GAS7: variants seen among roughly 807,000 people sequenced by gnomAD.
GAS7 encodes the protein growth arrest specific 7.
Under a neutral mutation model 71.1 loss-of-function variants are expected in GAS7, and 28 were observed. The ratio of observed to expected loss-of-function variants is 0.39; its 90% CI spans 0.29 to 0.54. The LOEUF is 0.54. GAS7 is among the 20% of genes least tolerant of loss of function. GAS7 has a pLI of 0.62. For missense variants in GAS7, 436 were observed against 627.8 expected (o/e 0.69, Z 3.27); for synonymous variants, 258 against 245.8 (o/e 1.05, Z -0.46).
intron 1 of GAS7, among the ~76,000 whole-genome samples, chr17:10,162,889 T>C (rs1368601984): frequency 6.6e-6 from 1 of 152,092 alleles, no homozygotes; most frequent in Non-Finnish European, 1.5e-5. Flanking sequence ...AGTTTCAGTT[T>C]TGCAAAATGA....
At chr17:10,089,363 A>G (rs1018706066) in intron 1 of GAS7, among the ~76,000 whole-genome samples, 1 of 152,124 alleles carries the variant, frequency 6.6e-6, no homozygotes, top group African/African-American at 2.4e-5. Flanking sequence ...TCTGGCATGG[A>G]GCTTTGCAGC....
intron 1 of GAS7, among the ~76,000 whole-genome samples, chr17:10,157,275 T>C (rs2074212644): frequency 6.6e-6 from 1 of 151,976 alleles, no homozygotes; most frequent in African/African-American, 2.4e-5. Context: ...CCTGCCAACC[T>C]TGGAGCTGAC....
chr17:10,134,753 C>A (rs2074025415), intron 1 of GAS7, among the ~76,000 whole-genome samples: 1 of 152,082 alleles, frequency 6.6e-6, no homozygotes, highest in Non-Finnish European at 1.5e-5. Flanking sequence ...GACTATAGCC[C>A]TGTGACCGCC....
intron 1 of GAS7, among the ~76,000 whole-genome samples, chr17:10,072,396 T>C (rs2073350215): frequency 6.6e-6 from 1 of 152,126 alleles, no homozygotes; most frequent in Admixed American, 6.5e-5. Flanking sequence ...CTGGAGGGGA[T>C]GAGGAGCTGG....
rs58521200 is a variant in GAS7 at position 9,962,239 on chromosome 17, T to TACACACACACACAC, written c.472-2998_472-2985dup. 8.2e-3 allele frequency among the ~76,000 whole-genome samples: 1,226 copies of TACACACACACACAC among 148,720 alleles called. 18 individuals carry two copies. Among genetic ancestry groups the TACACACACACACAC allele is most frequent in the African/African-American group, 0.028 (1,145 of 40,198 alleles). ...TCATATACATATCACGTGCATTTTA[T>TACACACACACACAC]ACACACACACACACACACACACACA... is the stretch of plus-strand genomic sequence containing the variant. On this transcript the variant is annotated intron_variant, in intron 4 of 13. Transcript: ENST00000432992.
rs1249637155 is a variant in GAS7, at chr17:9,912,272, T to G, written c.*4956A>C. On this transcript the variant is annotated 3_prime_UTR_variant, in exon 14 of 14. Transcript: ENST00000432992. ...GCAATTCTATGCACGATTGTGCAGATGAGAGCCAGACACAGCATGAACACG... is the reference window on the plus strand; with the variant it reads ...GCAATTCTATGCACGATTGTGCAGAGGAGAGCCAGACACAGCATGAACACG... 1 of 232,938 alleles carries G rather than the reference T, an allele frequency of 4.3e-6. No homozygotes were observed. Among genetic ancestry groups the G allele is most frequent in the South Asian group, 1.8e-4 (1 of 5,520 alleles). The allele number at this position is 232,938 out of a possible 1,614,324, so 14.4% of individuals were successfully genotyped here.
chr17:9,971,300 G>A (rs953821692), intron 3 of GAS7, among the ~76,000 whole-genome samples: 1 of 152,112 alleles, frequency 6.6e-6, no homozygotes, highest in Non-Finnish European at 1.5e-5. Context: ...AGTGGCTCAT[G>A]CCTGTTATCC....
intron 1 of GAS7, among the ~76,000 whole-genome samples, chr17:10,064,464 T>C (rs534204432): frequency 2.0e-4 from 30 of 152,292 alleles, no homozygotes; most frequent in Non-Finnish European, 3.1e-4. Flanking sequence ...GCCCTCGAGG[T>C]TTCCGGGAGC....
At chr17:9,986,249 T>C (rs529730397) in intron 2 of GAS7, among the ~76,000 whole-genome samples, 3 of 152,344 alleles carry the variant, frequency 2.0e-5, no homozygotes, top group Admixed American at 2.0e-4. Flanking sequence ...TTTGTGCTGC[T>C]GCCACCACCC....
intron 2 of GAS7, among the ~76,000 whole-genome samples, chr17:10,006,364 C>T (rs1418440437): frequency 8.6e-6 from 1 of 115,746 alleles, no homozygotes; most frequent in African/African-American, 3.2e-5. Flanking sequence ...GAGTCTCACT[C>T]TGTTGCCCAG....
At chr17:10,126,529 GCACA>G (rs892270136) in intron 1 of GAS7, among the ~76,000 whole-genome samples, 23 of 71,748 alleles carry the variant, frequency 3.2e-4, no homozygotes, top group African/African-American at 5.8e-4. Context: ...GCACACACAA[GCACA>G]CACACAAAGA....
intron 2 of GAS7, among the ~76,000 whole-genome samples, chr17:10,008,767 G>GCT (rs531212566): frequency 0.012 from 1,847 of 149,236 alleles, 40 homozygotes; most frequent in East Asian, 0.092. Context: ...TTAGGCTGGC[G>GCT]CTCTCTCTCT....
At chr17:10,037,832 T>C (rs1046883954) in intron 1 of GAS7, among the ~76,000 whole-genome samples, 1 of 152,014 alleles carries the variant, frequency 6.6e-6, no homozygotes, top group African/African-American at 2.4e-5. Flanking sequence ...CACCAGTGGC[T>C]GAAAGGTAGG....
intron 1 of GAS7, among the ~76,000 whole-genome samples, chr17:10,035,265 A>C (rs886217680): frequency 1.3e-5 from 2 of 152,012 alleles, no homozygotes; most frequent in African/African-American, 4.8e-5. Context: ...TCAGAACTTG[A>C]GTGATTGGTC....
At chr17:10,130,300 A>T (rs547017326) in intron 1 of GAS7, among the ~76,000 whole-genome samples, 2 of 150,606 alleles carry the variant, frequency 1.3e-5, no homozygotes, top group East Asian at 3.9e-4. Context: ...GTGAGATACC[A>T]CTTCACACCC....
chr17:10,078,866 T>C (rs538365985), intron 1 of GAS7, among the ~76,000 whole-genome samples: 5 of 152,252 alleles, frequency 3.3e-5, no homozygotes, highest in Admixed American at 1.3e-4. Flanking sequence ...CTGGGCCACA[T>C]AGCAAAACCT....
At chr17:9,932,621 C>T (rs534301964) in intron 9 of GAS7, among the ~76,000 whole-genome samples, 1 of 152,076 alleles carries the variant, frequency 6.6e-6, no homozygotes, top group East Asian at 1.9e-4. Context: ...GAGAGAAAAC[C>T]TGGAGGTATG....
chr17:10,081,027 G>A (rs2073451478), intron 1 of GAS7, among the ~76,000 whole-genome samples: 1 of 152,200 alleles, frequency 6.6e-6, no homozygotes, highest in Admixed American at 6.5e-5. Flanking sequence ...CTCAGAAAAA[G>A]AGTACAATTG....
rs147516330 is a variant in GAS7 at position 9,989,407 on chromosome 17, T to C, written c.305-7523A>G. Among the ~76,000 whole-genome samples, 969 of 152,270 alleles carry C rather than the reference T, an allele frequency of 6.4e-3. 7 individuals carry two copies. Among genetic ancestry groups the C allele is most frequent in the African/African-American group, 0.021 (868 of 41,548 alleles). On this transcript the variant is annotated intron_variant, in intron 2 of 13. Coordinates refer to ENST00000432992, the MANE Select transcript of GAS7 (RefSeq NM_201433.2). ...GCACTGTGCTGGACACGGGGTTATA[T>C]TGCAGGAAATATAAGTGGTTAAACT...
Sources: allele counts gnomAD v4.1 joint callset (sites outside exome capture counted in the v4.1 genomes callset), GRCh38; gene constraint gnomAD v4.1.1; transcripts MANE v1.5; gene names NCBI Gene and HGNC (gene_info 2026-07-23, HGNC 2026-07-21).